ABCA12: variants seen among roughly 807,000 people sequenced by gnomAD.
The protein encoded by ABCA12 is ATP binding cassette subfamily A member 12, also known as glucosylceramide transporter ABCA12.
A neutral mutation model predicts 293.5 loss-of-function variants in ABCA12; 156 were observed. The observed-to-expected ratio is 0.53, with a 90% CI of 0.47 to 0.61. The LOEUF (loss-of-function observed/expected upper bound fraction) is 0.61. ABCA12 is among the 20% of genes least tolerant of loss of function. ABCA12 has a pLI of 0.00. For synonymous variants in ABCA12, 1,063 were observed against 1,108.0 expected, an observed-to-expected ratio of 0.96 and a Z score of 0.81; for missense variants, 2,797 against 3,090.2, an observed-to-expected ratio of 0.91 and a Z score of 2.25.
At chr2:215,024,662 C>T (rs1025989160) in intron 11 of ABCA12, among the ~76,000 whole-genome samples, 12 of 152,104 alleles carry the variant, frequency 7.9e-5, no homozygotes, top group Admixed American at 5.2e-4. Context: ...TTGTAATATA[C>T]ATGGACATAA....
At chr2:214,978,203 G>T (rs1699564585) in intron 33 of ABCA12, 113 bp downstream of exon 33, 8 of 1,261,406 alleles carry the variant, frequency 6.3e-6, no homozygotes, top group Non-Finnish European at 8.9e-6. Context: ...AGTGTTTTTT[G>T]AATTTAGAAT....
At chr2:214,995,930 T>C (rs1700023270) in intron 23 of ABCA12, among the ~76,000 whole-genome samples, 1 of 152,086 alleles carries the variant, frequency 6.6e-6, no homozygotes, top group South Asian at 2.1e-4. Flanking sequence ...ATTCTGGAAA[T>C]AAATGTTGAA....
chr2:214,964,261 A>T (rs1699197137), intron 39 of ABCA12, among the ~76,000 whole-genome samples: 1 of 152,210 alleles, frequency 6.6e-6, no homozygotes, highest in African/African-American at 2.4e-5. Flanking sequence ...GCAAACCCAC[A>T]GCCAATATCA....
intron 33 of ABCA12, among the ~76,000 whole-genome samples, chr2:214,977,689 T>G (rs1699548933): frequency 6.6e-6 from 1 of 152,136 alleles, no homozygotes; most frequent in Non-Finnish European, 1.5e-5. Context: ...CATGATTTTT[T>G]AAGCATATCC....
intron 14 of ABCA12, 119 bp from the exon 15 acceptor site, chr2:215,015,782 AAAC>A (rs1165713833): frequency 4.6e-6 from 4 of 867,900 alleles, no homozygotes; most frequent in African/African-American, 1.7e-5. Flanking sequence ...CTCAAGAATC[AAAC>A]AACTTTTCAT....
In ABCA12 at chr2:215,138,319, G is replaced by A. The variant is rs1300937996; in HGVS notation, c.-111C>T. On this transcript the variant is annotated 5_prime_UTR_variant, in exon 1 of 53. Coordinates refer to ENST00000272895, the MANE Select transcript of ABCA12 (RefSeq NM_173076.3). The stretch of plus-strand genomic sequence containing the variant: ...GTCAGTGTATCAGTACCCCTTTCAC[G>A]GCATAGCTTCCTTGAGGGCTGGGGT... 1.2e-5 allele frequency: 14 copies of A among 1,128,066 alleles called. No individual in the cohort carries two copies. The East Asian group carries it at 1.4e-4, about 11-fold the overall frequency. 69.9% of individuals were successfully genotyped at this position (1,128,066 alleles called of 1,614,324 possible).
At chr2:214,987,603 C>T (rs375871551) in intron 27 of ABCA12, 44 bp downstream of exon 27, 1 of 1,581,706 alleles carries the variant, frequency 6.3e-7, no homozygotes, top group Non-Finnish European at 8.6e-7. Flanking sequence ...AATTTCATAT[C>T]ATTTCTCTCA....
Position 215,011,583 on chromosome 2 carries a change from A to G in ABCA12, c.2188T>C (p.Cys730Arg). The G allele has an allele frequency of 3.1e-6, 5 of 1,614,096 alleles. No homozygotes were observed. Among genetic ancestry groups the G allele is most frequent in the Non-Finnish European group, 4.2e-6 (5 of 1,179,956 alleles). Residue 730 changes from cysteine (C) to arginine (R), a missense_variant, in exon 17 of 53, where the codon TGT becomes CGT. This residue lies in a region of ABCA12 where 2,130 missense variants were observed against 2,427.0 expected (regional missense o/e 0.88). Transcript: ENST00000272895. Reference sequence around the variant, plus strand: ...TATTCAGTGGTAATTCCTTGAGAACATAATGCTTGGGAGATGGTGCTAAAT... The same window carrying G: ...TATTCAGTGGTAATTCCTTGAGAACGTAATGCTTGGGAGATGGTGCTAAAT... ...GSFSTISQALCSQGITTEYLT... is the reference protein window; with the variant it reads ...GSFSTISQALRSQGITTEYLT...
chr2:214,984,477 A>T (rs1699742704), intron 28 of ABCA12, among the ~76,000 whole-genome samples: 1 of 152,108 alleles, frequency 6.6e-6, no homozygotes, highest in Admixed American at 6.5e-5. Context: ...TAGCATCTAC[A>T]GGTTGGCATG....
rs749098707 is a variant in ABCA12, at chr2:215,138,122, C to G, written c.69+18G>C. On this transcript the variant is annotated intron_variant, in intron 1 of 52. Transcript: ENST00000272895. ...TATTGCCCCATGACCCATACTCCCA[C>G]ACTTTTTTTTAACTCACCGGCTGCC... The G allele has an allele frequency of 6.2e-7, 1 of 1,613,366 alleles. No homozygotes were observed. The highest frequency in any genetic ancestry group is 1.3e-5 in the African/African-American group (1 of 74,896).
chr2:214,997,035 T>C (rs1019875231), intron 23 of ABCA12, among the ~76,000 whole-genome samples: 1 of 152,184 alleles, frequency 6.6e-6, no homozygotes, highest in African/African-American at 2.4e-5. Flanking sequence ...TCATAAATTC[T>C]AAAAAGAAGT....
intron 21 of ABCA12, 145 bp from the exon 22 acceptor site, chr2:215,001,165 C>T (rs1411818257): frequency 6.0e-6 from 5 of 834,696 alleles, no homozygotes; most frequent in South Asian, 1.8e-5. Context: ...TTACAGAAAA[C>T]ATGGTTAATT....
chr2:215,108,083 C>T (rs1033028105), intron 2 of ABCA12, among the ~76,000 whole-genome samples: 1 of 152,028 alleles, frequency 6.6e-6, no homozygotes, highest in Non-Finnish European at 1.5e-5. Context: ...CCCACCATGG[C>T]TGAGTTTCAT....
chr2:214,938,507 AT>A (rs1446337630), intron 50 of ABCA12, among the ~76,000 whole-genome samples: 1 of 152,112 alleles, frequency 6.6e-6, no homozygotes, highest in Non-Finnish European at 1.5e-5. Context: ...GTCAAATGGT[AT>A]TTCTGGTTCT....
At chr2:215,037,208 A>G in intron 7 of ABCA12, 143 bp from the exon 8 acceptor site, 1 of 698,086 alleles carries the variant, frequency 1.4e-6, no homozygotes, top group South Asian at 1.6e-5. Context: ...TAATTTAATT[A>G]CTTGTTTGTC....
intron 36 of ABCA12, among the ~76,000 whole-genome samples, chr2:214,973,389 T>C (rs1249662741): frequency 6.6e-6 from 1 of 152,182 alleles, no homozygotes; most frequent in Non-Finnish European, 1.5e-5. Context: ...ACTTCTCTAG[T>C]GAATGTGGTT....
chr2:215,087,062 C>T (rs1702055296), intron 2 of ABCA12, among the ~76,000 whole-genome samples: 1 of 152,148 alleles, frequency 6.6e-6, no homozygotes, highest in Admixed American at 6.5e-5. Context: ...CCTGCCTCAG[C>T]TTCCCAAGTA....
Position 215,019,558 on chromosome 2 carries a change from A to G in ABCA12, c.1526T>C (p.Ile509Thr). 6.2e-7 allele frequency: 1 copy of G among 1,614,202 alleles called. No homozygotes were observed. The highest frequency in any genetic ancestry group is 1.6e-4 in the Middle Eastern group (1 of 6,062). Residue 509 changes from isoleucine (I) to threonine (T), a missense_variant, in exon 12 of 53, where the codon ATT (isoleucine) becomes ACT (threonine). By Grantham distance (89) the Ile-to-Thr change is moderately conservative. Transcript: ENST00000272895. The stretch of plus-strand genomic sequence containing the variant: ...AACTTACTGATCCATATTTAAATTA[A>G]TTTTGCTTGGATCTCCAGTCAGCAA... ...RDLLTGDPSK[I>T]NLNMDQFLEQ...
chr2:215,121,695 T>C (rs916171467), intron 1 of ABCA12, among the ~76,000 whole-genome samples: 1 of 152,148 alleles, frequency 6.6e-6, no homozygotes, highest in African/African-American at 2.4e-5. Context: ...CCCCATGTGT[T>C]GTGGAAGGAA....
Sources: allele counts gnomAD v4.1 joint callset (sites outside exome capture counted in the v4.1 genomes callset), GRCh38; gene constraint gnomAD v4.1.1; regional missense constraint gnomAD v4.1.1; transcripts MANE v1.5; gene names NCBI Gene and HGNC (gene_info 2026-07-23, HGNC 2026-07-21).